The following LMX1A variants were observed in gnomAD, a reference collection of about 807,000 sequenced individuals.
The protein encoded by LMX1A is LIM homeobox transcription factor 1 alpha.
A neutral mutation model predicts 49.1 loss-of-function variants in LMX1A; 15 were observed. That is an observed-to-expected ratio of 0.31 (90% CI 0.20 to 0.47). LMX1A has a LOEUF of 0.47. LMX1A is among the 20% of genes least tolerant of loss of function. The pLI, the probability that LMX1A is intolerant of heterozygous loss-of-function variation, is 1.00. For missense variants in LMX1A, 372 were observed against 475.8 expected, an observed-to-expected ratio of 0.78 and a Z score of 2.03; for synonymous variants, 167 against 185.7, an observed-to-expected ratio of 0.90 and a Z score of 0.82.
rs147292320 is a variant in LMX1A, at chr1:165,320,088, T to C, written c.263+32988A>G. The stretch of plus-strand genomic sequence containing the variant: ...TGAAGAAGTAAAAATGCTTCTTTTA[T>C]AAACACTAGAAACTCCTTTTACAAA... On this transcript the variant is annotated intron_variant, in intron 3 of 8. Coordinates refer to ENST00000342310, the MANE Select transcript of LMX1A (RefSeq NM_177398.4). 9.8e-4 allele frequency among the ~76,000 whole-genome samples: 149 copies of C among 152,310 alleles called. 2 individuals carry two copies. In the East Asian group the frequency reaches 0.022, roughly 23 times the overall value.
chr1:165,284,140 CCT>C (rs1264108585), intron 3 of LMX1A, among the ~76,000 whole-genome samples: 1 of 152,246 alleles, frequency 6.6e-6, no homozygotes, highest in East Asian at 1.9e-4. Flanking sequence ...AGCCACATCT[CCT>C]CTCTCACCTG....
intron 3 of LMX1A, among the ~76,000 whole-genome samples, chr1:165,250,898 G>GGGAGGGAACAGC (rs1653036373): frequency 6.6e-6 from 1 of 152,086 alleles, no homozygotes; most frequent in Non-Finnish European, 1.5e-5. Context: ...ACAGTCCCAG[G>GGGAGGGAACAGC]GGAGGGAACA....
chr1:165,284,733 G>A lies in LMX1A; in HGVS notation c.264-35093C>T, dbSNP rs572482056. Reference sequence around the variant, plus strand: ...TGAGCGCAAGCAGGTTTGCCAACACGGAAGTCCTTCAGCTTACAAAGCGTT... The same window carrying A: ...TGAGCGCAAGCAGGTTTGCCAACACAGAAGTCCTTCAGCTTACAAAGCGTT... On this transcript the variant is annotated intron_variant, in intron 3 of 8. Coordinates refer to ENST00000342310, the MANE Select transcript of LMX1A (RefSeq NM_177398.4). 5.3e-5 allele frequency among the ~76,000 whole-genome samples: 8 copies of A among 152,290 alleles called. No homozygotes were observed. In the South Asian group the frequency reaches 1.0e-3, roughly 20 times the overall value.
intron 4 of LMX1A, among the ~76,000 whole-genome samples, chr1:165,221,918 C>CAA (rs1651862567): frequency 7.7e-6 from 1 of 129,334 alleles, no homozygotes; most frequent in African/African-American, 2.8e-5. Context: ...TACACACACA[C>CAA]ACACACACAC....
intron 4 of LMX1A, among the ~76,000 whole-genome samples, chr1:165,232,837 A>ATCAC (rs1383870596): frequency 6.6e-6 from 1 of 152,144 alleles, no homozygotes. Flanking sequence ...GACTCCTTGC[A>ATCAC]TCACTGTCAA....
At chr1:165,344,768 G>A (rs1178080412) in intron 3 of LMX1A, among the ~76,000 whole-genome samples, 3 of 152,224 alleles carry the variant, frequency 2.0e-5, no homozygotes, top group Non-Finnish European at 4.4e-5. Context: ...TCTCTCCAGT[G>A]ACTGGATAGG....
At chr1:165,220,807 T>C (rs1651816091) in intron 4 of LMX1A, among the ~76,000 whole-genome samples, 1 of 152,132 alleles carries the variant, frequency 6.6e-6, no homozygotes, top group Admixed American at 6.5e-5. Context: ...GTGTGTGGAG[T>C]GGTGGAAAGT....
intron 3 of LMX1A, among the ~76,000 whole-genome samples, chr1:165,278,865 T>C (rs1027082726): frequency 3.9e-5 from 6 of 152,012 alleles, no homozygotes; most frequent in Non-Finnish European, 8.8e-5. Flanking sequence ...GCTGCTGAGG[T>C]CCCAGAAGGC....
chr1:165,269,653 T>G (rs958656250), intron 3 of LMX1A, among the ~76,000 whole-genome samples: 1 of 152,128 alleles, frequency 6.6e-6, no homozygotes, highest in Non-Finnish European at 1.5e-5. Flanking sequence ...CCAATGCCCA[T>G]CAATGGTAGA....
chr1:165,275,202 T>C (rs780971050), intron 3 of LMX1A, among the ~76,000 whole-genome samples: 1 of 152,194 alleles, frequency 6.6e-6, no homozygotes, highest in Non-Finnish European at 1.5e-5. Flanking sequence ...AACTCAACTC[T>C]TCCCAATTTC....
intron 4 of LMX1A, among the ~76,000 whole-genome samples, chr1:165,243,010 TAA>T (rs1044866782): frequency 1.3e-5 from 2 of 148,526 alleles, no homozygotes; most frequent in African/African-American, 5.0e-5. Flanking sequence ...CTGGAATGGA[TAA>T]AAGTCATTAA....
intron 3 of LMX1A, among the ~76,000 whole-genome samples, chr1:165,304,863 G>A (rs1185058056): frequency 2.0e-5 from 3 of 152,006 alleles, no homozygotes; most frequent in Non-Finnish European, 2.9e-5. Flanking sequence ...CCCTCTCCTC[G>A]TCTGCCAAAT....
chr1:165,214,079 T>C (rs778957985), intron 4 of LMX1A, among the ~76,000 whole-genome samples: 21 of 152,352 alleles, frequency 1.4e-4, no homozygotes, highest in Non-Finnish European at 2.8e-4. Context: ...ACTAGTTGCG[T>C]GGCCTTGGGC....
chr1:165,204,175 T>C, intron 8 of LMX1A, 135 bp from the exon 9 acceptor site: 1 of 891,516 alleles, frequency 1.1e-6, no homozygotes, highest in Non-Finnish European at 1.7e-6. Flanking sequence ...AAGTCTATAT[T>C]CTCTTTAGGG....
rs1298938817 is a variant in LMX1A, at chr1:165,355,219, C to CA, written c.76+264dup. Among the ~76,000 whole-genome samples the CA allele has an allele frequency of 6.6e-6, 1 of 152,134 alleles. No individual in the cohort carries two copies. Among genetic ancestry groups the CA allele is most frequent in the African/African-American group, 2.4e-5 (1 of 41,420 alleles). On this transcript the variant is annotated intron_variant, in intron 2 of 8. Coordinates refer to ENST00000342310, the MANE Select transcript of LMX1A (RefSeq NM_177398.4). The surrounding 1 kb of genome is among the most constrained non-coding windows in gnomAD (Gnocchi z 4.7). The stretch of plus-strand genomic sequence containing the variant: ...TGGGTATTTTTAATCACTTGCCACT[C>CA]AGACGCCTACGAACAAGCTCGCCCG...
intron 3 of LMX1A, among the ~76,000 whole-genome samples, chr1:165,338,555 A>G (rs949248723): frequency 1.3e-5 from 2 of 152,206 alleles, no homozygotes; most frequent in Non-Finnish European, 2.9e-5. Flanking sequence ...TTAACTGTCA[A>G]CAGGGAAATT....
At chr1:165,280,832 C>T (rs137961236) in intron 3 of LMX1A, among the ~76,000 whole-genome samples, 1 of 152,108 alleles carries the variant, frequency 6.6e-6, no homozygotes, top group East Asian at 1.9e-4. Flanking sequence ...ACCACCCCAC[C>T]CCCACCGCAT....
chr1:165,303,497 AAGTACATTCC>A, intron 3 of LMX1A, among the ~76,000 whole-genome samples: 1 of 152,310 alleles, frequency 6.6e-6, no homozygotes, highest in Middle Eastern at 3.4e-3. Context: ...GAGAAGGGGG[AAGTACATTCC>A]TCAGCTGGAA....
At chr1:165,262,288 C>G (rs2102649017) in intron 3 of LMX1A, among the ~76,000 whole-genome samples, 1 of 152,182 alleles carries the variant, frequency 6.6e-6, no homozygotes, top group East Asian at 1.9e-4. Flanking sequence ...ACATTTTGCT[C>G]TTTACCTTTT....
Sources: allele counts gnomAD v4.1 joint callset (sites outside exome capture counted in the v4.1 genomes callset), GRCh38; gene constraint gnomAD v4.1.1; non-coding constraint Gnocchi (gnomAD v3.1); transcripts MANE v1.5; gene names NCBI Gene and HGNC (gene_info 2026-07-23, HGNC 2026-07-21).